CADM1: variants seen among roughly 807,000 people sequenced by gnomAD.
The protein encoded by CADM1 is cell adhesion molecule 1, also known as TSLC-1.
CADM1 carries 15 observed loss-of-function variants against 53.1 expected under a neutral mutation model. The ratio of observed to expected loss-of-function variants is 0.28; its 90% CI spans 0.19 to 0.44. CADM1 has a LOEUF of 0.44. CADM1 is among the 20% of genes least tolerant of loss of function. The pLI is 1.00. For missense variants in CADM1, 434 were observed against 611.3 expected, an observed-to-expected ratio of 0.71 and a Z score of 3.06; for synonymous variants, 281 against 243.0, an observed-to-expected ratio of 1.16 and a Z score of -1.45.
At chr11:115,229,517 T>C (rs972619095) in intron 4 of CADM1, among the ~76,000 whole-genome samples, 2 of 152,216 alleles carry the variant, frequency 1.3e-5, no homozygotes, top group African/African-American at 4.8e-5. Flanking sequence ...ATACACTATT[T>C]TTACTGAAAT....
intron 1 of CADM1, among the ~76,000 whole-genome samples, chr11:115,403,657 C>T (rs1048507706): frequency 4.6e-5 from 7 of 151,860 alleles, no homozygotes; most frequent in Non-Finnish European, 7.4e-5. Flanking sequence ...AGTTCAGTGG[C>T]GCTATCTCGG....
At chr11:115,419,764 C>G (rs990757749) in intron 1 of CADM1, among the ~76,000 whole-genome samples, 2 of 152,062 alleles carry the variant, frequency 1.3e-5, no homozygotes, top group African/African-American at 4.8e-5. Flanking sequence ...TGGGAAAATC[C>G]AGAGTTGGGA....
intron 1 of CADM1, among the ~76,000 whole-genome samples, chr11:115,307,520 AT>A (rs1565355852): frequency 7.9e-4 from 86 of 109,312 alleles, no homozygotes; most frequent in African/African-American, 1.8e-3. Context: ...AAAAAAAAAT[AT>A]ATATATATAT....
At position 115,175,332 on chromosome 11, in the gene CADM1, A is replaced by ACATGCAG. The variant is rs1938975716; in HGVS notation, c.*1135_*1141dup. 2.0e-6 allele frequency: 2 copies of ACATGCAG among 984,622 alleles called. No homozygotes were observed. Among genetic ancestry groups the ACATGCAG allele is most frequent in the South Asian group, 9.4e-5 (2 of 21,226 alleles). 61.0% of individuals were successfully genotyped at this position (984,622 alleles called of 1,614,324 possible). Reference sequence around the variant, plus strand: ...ATGACAAATATCTGTAATATACAGTACATGCAGGCCACATCCTACTGCCTT... The same window carrying ACATGCAG: ...ATGACAAATATCTGTAATATACAGTACATGCAGCATGCAGGCCACATCCTACTGCCTT... On this transcript the variant is annotated 3_prime_UTR_variant, in exon 12 of 12. Transcript: ENST00000331581.
intron 1 of CADM1, among the ~76,000 whole-genome samples, chr11:115,451,130 G>C (rs1265029060): frequency 6.6e-6 from 1 of 152,192 alleles, no homozygotes; most frequent in Admixed American, 6.5e-5. Flanking sequence ...ACATATGCTA[G>C]AGCAATTTCC....
rs869231204 is a variant in CADM1 at position 115,404,346 on chromosome 11, A to AAT, written c.124+99923_124+99924dup. Among the ~76,000 whole-genome samples, 126 of 33,742 alleles carry AAT rather than the reference A, an allele frequency of 3.7e-3. 2 individuals are homozygous for AAT. The highest frequency in any genetic ancestry group is 0.013 in the East Asian group (13 of 984). The allele number at this position is 33,742 out of a possible 152,430, so 22.1% of individuals were successfully genotyped here. ...GTCTCGGAAAAAAAAAAAAAAAAAA[A>AAT]ATATATATATATATATATATATATA... On this transcript the variant is annotated intron_variant, in intron 1 of 11. Coordinates refer to ENST00000331581, the MANE Select transcript of CADM1 (RefSeq NM_001301043.2).
At chr11:115,432,014 G>A (rs2513552) in intron 1 of CADM1, among the ~76,000 whole-genome samples, 114,584 of 151,544 alleles carry the variant, frequency 0.76, 43,451 homozygotes, top group Admixed American at 0.81. Context: ...GCGTGATCTC[G>A]GCTCACTGCA....
In CADM1 at chr11:115,269,148, C is replaced by T. The variant is rs552711337; in HGVS notation, c.125-28728G>A. Reference sequence around the variant, plus strand: ...ACTTCAGCGCTCCAATCTAAGTGTACAATCCACATGCTGTCATTCAAGCAA... The same window carrying T: ...ACTTCAGCGCTCCAATCTAAGTGTATAATCCACATGCTGTCATTCAAGCAA... On this transcript the variant is annotated intron_variant, in intron 1 of 11. Coordinates refer to ENST00000331581, the MANE Select transcript of CADM1 (RefSeq NM_001301043.2). Among the ~76,000 whole-genome samples the T allele has an allele frequency of 4.6e-5, 7 of 152,188 alleles. No homozygotes were observed. The South Asian group carries it at 1.5e-3, about 32-fold the overall frequency.
intron 1 of CADM1, among the ~76,000 whole-genome samples, chr11:115,353,638 C>T (rs1177585342): frequency 3.9e-5 from 6 of 152,194 alleles, no homozygotes; most frequent in South Asian, 4.1e-4. Flanking sequence ...AGATAGAATA[C>T]GCAGAGAAGT....
rs1397822797 is a variant in CADM1, at chr11:115,231,275, T to C, written c.562+78A>G. The C allele has an allele frequency of 1.0e-5, 15 of 1,486,556 alleles. No individual in the cohort carries two copies. In the Admixed American group the frequency reaches 1.8e-4, roughly 18 times the overall value. The allele number at this position is 1,486,556 out of a possible 1,614,324, so 92.1% of individuals were successfully genotyped here. A position where few individuals can be genotyped will look rare whatever the true frequency, so the allele number is the denominator to read the frequency against. ...ACTTTTGTTTCATGGGCATGTTTTGTATTTCTCCATGATTTTCACAAAGGC... is the reference window on the plus strand; with the variant it reads ...ACTTTTGTTTCATGGGCATGTTTTGCATTTCTCCATGATTTTCACAAAGGC... On this transcript the variant is annotated intron_variant, in intron 4 of 11. Coordinates refer to ENST00000331581, the MANE Select transcript of CADM1 (RefSeq NM_001301043.2).
At chr11:115,486,165 A>G (rs1047616168) in intron 1 of CADM1, among the ~76,000 whole-genome samples, 9 of 152,112 alleles carry the variant, frequency 5.9e-5, no homozygotes, top group African/African-American at 1.7e-4. Flanking sequence ...TGCTTGAACT[A>G]TTATACTCCT....
At chr11:115,452,466 A>G (rs1948595550) in intron 1 of CADM1, among the ~76,000 whole-genome samples, 1 of 152,378 alleles carries the variant, frequency 6.6e-6, no homozygotes, top group Non-Finnish European at 1.5e-5. Context: ...TGAATTGTTG[A>G]CATAGGCATT....
chr11:115,209,586 T>TAAG lies in CADM1; in HGVS notation c.1063_1065dup (p.Leu355dup), dbSNP rs1940852048. 6.2e-7 allele frequency: 1 copy of TAAG among 1,609,720 alleles called. No individual in the cohort carries two copies. The highest frequency in any genetic ancestry group is 1.7e-5 in the Admixed American group (1 of 59,548). ...GAAGATACCATACCTGTGATGATGG[T>TAAG]AAGGATGGTGGTGGTGGTGGTGGTG... On this transcript the variant is annotated inframe_insertion, in exon 8 of 12. Coordinates refer to ENST00000331581, the MANE Select transcript of CADM1 (RefSeq NM_001301043.2).
rs533002766 is a variant in CADM1 at position 115,486,863 on chromosome 11, G to A, written c.124+17408C>T. Among the ~76,000 whole-genome samples, 105 of 137,358 alleles carry A rather than the reference G, an allele frequency of 7.6e-4. 2 individuals are homozygous for A. The South Asian group carries it at 0.03, about 39-fold the overall frequency. The allele number at this position is 137,358 out of a possible 152,430, so 90.1% of individuals were successfully genotyped here. A position where few individuals can be genotyped will look rare whatever the true frequency, so the allele number is the denominator to read the frequency against. ...CTTTGTTTAAATGGAAAGCCTTCTA[G>A]GCATCCCCACTCCAGGCTAGCTCCC... On this transcript the variant is annotated intron_variant, in intron 1 of 11. Transcript: ENST00000331581.
At chr11:115,457,695 C>T (rs771157972) in intron 1 of CADM1, among the ~76,000 whole-genome samples, 2 of 152,124 alleles carry the variant, frequency 1.3e-5, no homozygotes, top group Non-Finnish European at 2.9e-5. Context: ...AAACCTCCCC[C>T]CTATACCTCC....
intron 1 of CADM1, among the ~76,000 whole-genome samples, chr11:115,246,523 G>T (rs12225639): frequency 0.14 from 20,664 of 152,132 alleles, 1,572 homozygotes; most frequent in East Asian, 0.22. Context: ...TGAGTAGAAA[G>T]AAATTTGGAG....
At position 115,318,056 on chromosome 11, in the gene CADM1, T is replaced by C. The variant is rs139474287; in HGVS notation, c.125-77636A>G. Among the ~76,000 whole-genome samples the C allele has an allele frequency of 2.0e-5, 3 of 152,106 alleles. No individual in the cohort carries two copies. In the East Asian group the frequency reaches 5.8e-4, roughly 29 times the overall value. The stretch of plus-strand genomic sequence containing the variant: ...AACCTTCCCTACTTATTTTTTTTAA[T>C]TTGAAAGCAAAATGCGTACATAACA... On this transcript the variant is annotated intron_variant, in intron 1 of 11. Transcript: ENST00000331581.
intron 1 of CADM1, among the ~76,000 whole-genome samples, chr11:115,380,189 T>C (rs1340901706): frequency 6.7e-6 from 1 of 148,878 alleles, no homozygotes; most frequent in African/African-American, 2.5e-5. Flanking sequence ...ATTTGGAATA[T>C]AAGTCAAACA....
chr11:115,450,742 T>C (rs1948553184), intron 1 of CADM1, among the ~76,000 whole-genome samples: 1 of 152,202 alleles, frequency 6.6e-6, no homozygotes, highest in Admixed American at 6.6e-5. Flanking sequence ...TCATTGCCAG[T>C]GAGTATTAAC....
Sources: gnomAD v4.1 joint callset for allele counts (sites outside exome capture counted in the v4.1 genomes callset) on GRCh38, gnomAD v4.1.1 for gene constraint, MANE v1.5 for transcripts, NCBI Gene and HGNC (gene_info 2026-07-23, HGNC 2026-07-21) for gene names.